The following TOGARAM2 variants were observed in gnomAD, a reference collection of about 807,000 sequenced individuals.
TOGARAM2 encodes the protein TOG array regulator of axonemal microtubules 2.
In TOGARAM2, 85 loss-of-function variants were observed where a neutral mutation model predicts 93.3. The ratio of observed to expected loss-of-function variants is 0.91; its 90% CI spans 0.76 to 1.09. The LOEUF (loss-of-function observed/expected upper bound fraction) is 1.09. Among genes scored for constraint, TOGARAM2 ranks in the 50% least tolerant of loss-of-function variants. The pLI, the probability that TOGARAM2 is intolerant of heterozygous loss-of-function variation, is 0.00. For missense variants in TOGARAM2, 1,277 were observed against 1,334.5 expected (o/e 0.96, Z 0.67); for synonymous variants, 593 against 552.8 (o/e 1.07, Z -1.02).
chr2:29,012,479 C>T (rs1572703279), intron 7 of TOGARAM2, among the ~76,000 whole-genome samples: 1 of 152,188 alleles, frequency 6.6e-6, no homozygotes, highest in South Asian at 2.1e-4. Context: ...AATGCACCGG[C>T]ACCCTGAGTG....
At chr2:29,042,438 C>T (rs556753910) in intron 18 of TOGARAM2, among the ~76,000 whole-genome samples, 21 of 152,264 alleles carry the variant, frequency 1.4e-4, no homozygotes, top group African/African-American at 4.8e-4. Flanking sequence ...GGGCCAGAGG[C>T]GGGAGCCCCT....
At chr2:28,962,703 T>G (rs985967710) in intron 1 of TOGARAM2, among the ~76,000 whole-genome samples, 6 of 151,636 alleles carry the variant, frequency 4.0e-5, no homozygotes, top group Admixed American at 2.0e-4. Context: ...ACCCCATAAA[T>G]TTTGATTCCC....
chr2:29,004,922 G>A (rs62649845), intron 6 of TOGARAM2, among the ~76,000 whole-genome samples: 27 of 104,940 alleles, frequency 2.6e-4, no homozygotes, highest in East Asian at 6.8e-4. Context: ...GCATGTGTAC[G>A]TGTGTGAGTG....
Position 28,982,107 on chromosome 2 carries a change from A to T in TOGARAM2, c.-111+569A>T, listed in dbSNP as rs958813505. On this transcript the variant is annotated intron_variant, in intron 1 of 19. Coordinates refer to ENST00000379558, the MANE Select transcript of TOGARAM2 (RefSeq NM_199280.4). ...GTTTCTCATCTGTGAAGAAGGGTTT[A>T]AAAAAAGCCCCCTTGGTGCTGTCTG... Among the ~76,000 whole-genome samples, 10 of 152,130 alleles carry T rather than the reference A, an allele frequency of 6.6e-5. No homozygotes were observed. The South Asian group carries it at 1.7e-3, about 25-fold the overall frequency.
intron 1 of TOGARAM2, among the ~76,000 whole-genome samples, chr2:28,967,843 C>T (rs552712307): frequency 6.1e-5 from 7 of 114,244 alleles, no homozygotes; most frequent in Admixed American, 2.6e-4. Context: ...CTTGCTCTGT[C>T]GCTCTATTGC....
At chr2:29,033,302 T>G in intron 15 of TOGARAM2, 167 bp from the exon 16 acceptor site, 1 of 718,950 alleles carries the variant, frequency 1.4e-6, no homozygotes, top group Non-Finnish European at 2.3e-6. Context: ...CCAGGGATCT[T>G]GATCTCTGCC....
rs777307067 is a variant in TOGARAM2 at position 29,052,118 on chromosome 2, T to C, written c.*25T>C. 3 of 1,492,770 alleles carry C rather than the reference T, an allele frequency of 2.0e-6. No individual in the cohort carries two copies. In the African/African-American group the frequency reaches 4.2e-5, roughly 21 times the overall value. 92.5% of individuals were successfully genotyped at this position (1,492,770 alleles called of 1,614,324 possible). On this transcript the variant is annotated 3_prime_UTR_variant, in exon 20 of 20. Coordinates refer to ENST00000379558, the MANE Select transcript of TOGARAM2 (RefSeq NM_199280.4). ...AAGATGGATCTGAAATGGGCAATTA[T>C]TATTTATCTTATTTTTTTGATGGAC...
At position 29,005,992 on chromosome 2, in the gene TOGARAM2, T is replaced by TGTGG. The variant is rs139827832; in HGVS notation, c.830+2310_830+2311insGTGG. On this transcript the variant is annotated intron_variant, in intron 6 of 19. Coordinates refer to ENST00000379558, the MANE Select transcript of TOGARAM2 (RefSeq NM_199280.4). ...GTGTGAGACCGTATGAGTGCATGTG[T>TGTGG]AGGGTGTGTATGTGTGCGTGTGTGT... 9.6e-5 allele frequency among the ~76,000 whole-genome samples: 14 copies of TGTGG among 145,110 alleles called. No individual in the cohort carries two copies. In the East Asian group the frequency reaches 1.7e-3, roughly 18 times the overall value.
At chr2:29,030,635 C>T (rs1285889238) in intron 14 of TOGARAM2, among the ~76,000 whole-genome samples, 2 of 152,172 alleles carry the variant, frequency 1.3e-5, no homozygotes, top group East Asian at 3.8e-4. Flanking sequence ...GAACTCTGTC[C>T]TTCCTGGTTT....
intron 18 of TOGARAM2, among the ~76,000 whole-genome samples, chr2:29,041,562 G>A (rs1215684761): frequency 2.6e-5 from 4 of 152,158 alleles, no homozygotes; most frequent in Non-Finnish European, 4.4e-5. Flanking sequence ...CTCTTATCTG[G>A]CTTCCCAGTA....
chr2:29,029,483 G>A (rs1181463303), intron 14 of TOGARAM2, among the ~76,000 whole-genome samples: 1 of 152,216 alleles, frequency 6.6e-6, no homozygotes, highest in East Asian at 1.9e-4. Flanking sequence ...TGGGCCGGGT[G>A]CGGTGGCTCA....
upstream of TOGARAM2, among the ~76,000 whole-genome samples, chr2:28,979,275 C>T (rs1290517006): frequency 6.6e-6 from 1 of 152,198 alleles, no homozygotes; most frequent in Non-Finnish European, 1.5e-5. Flanking sequence ...CCCTGGGATT[C>T]GCTCTCTGTC....
chr2:29,032,470 C>T (rs1665825835), intron 14 of TOGARAM2, among the ~76,000 whole-genome samples: 1 of 152,198 alleles, frequency 6.6e-6, no homozygotes, highest in Admixed American at 6.5e-5. Flanking sequence ...TGACTACACC[C>T]TCCTATATTG....
At chr2:29,029,255 A>ATG (rs1468419846) in intron 14 of TOGARAM2, among the ~76,000 whole-genome samples, 1 of 133,666 alleles carries the variant, frequency 7.5e-6, no homozygotes. Context: ...GTATGTATGT[A>ATG]TGTGTGTATA....
rs1665169089 is a variant in TOGARAM2 at position 29,024,188 on chromosome 2, G to A, written c.1667G>A (p.Gly556Glu). 1.2e-6 allele frequency: 2 copies of A among 1,602,112 alleles called. No individual in the cohort carries two copies. The highest frequency in any genetic ancestry group is 1.1e-5 in the South Asian group (1 of 88,712). Residue 556 changes from glycine (G) to glutamate (E), a missense_variant, in exon 13 of 20, where the codon GGA (glycine) becomes GAA (glutamate). By Grantham distance (98) the Gly-to-Glu change is moderately conservative. Coordinates refer to ENST00000379558, the MANE Select transcript of TOGARAM2 (RefSeq NM_199280.4). The part of the protein sequence containing the change: ...KVSHLAISTL[G>E]DLFQALKKNM... The stretch of plus-strand genomic sequence containing the variant: ...TCTCACCTGGCCATCAGCACCTTGG[G>A]AGACCTCTTCCAGGCCTTGAAGAAG...
intron 1 of TOGARAM2, among the ~76,000 whole-genome samples, chr2:28,962,783 C>G (rs1671819103): frequency 8.0e-6 from 1 of 125,774 alleles, no homozygotes. Flanking sequence ...CTCCCCTTCC[C>G]TCCCTTTTCC....
intron 1 of TOGARAM2, among the ~76,000 whole-genome samples, chr2:28,990,172 T>G (rs1476533033): frequency 1.3e-5 from 2 of 152,114 alleles, no homozygotes; most frequent in Non-Finnish European, 2.9e-5. Context: ...CAGGAAGGCA[T>G]GTTCTGTCCA....
rs139348273 is a variant in TOGARAM2 at position 29,051,586 on chromosome 2, G to C, written c.2723-170G>C. On this transcript the variant is annotated intron_variant, in intron 19 of 19. Transcript: ENST00000379558. ...ACATATTCATATATTTTCTACTAAT[G>C]TTAAAAGAAGCTAACACATTTTCAT... The C allele has an allele frequency of 1.9e-3, 1,011 of 535,970 alleles. 8 individuals are homozygous for C. Among genetic ancestry groups the C allele is most frequent in the African/African-American group, 0.017 (918 of 52,558 alleles). The allele number at this position is 535,970 out of a possible 1,614,324, so 33.2% of individuals were successfully genotyped here.
At chr2:28,992,468 CA>C (rs1672780963) in intron 1 of TOGARAM2, among the ~76,000 whole-genome samples, 1 of 152,090 alleles carries the variant, frequency 6.6e-6, no homozygotes, top group Non-Finnish European at 1.5e-5. Context: ...GTCCTGGGAC[CA>C]GGGGGAACCT....
Sources: gnomAD v4.1 joint callset for allele counts (sites outside exome capture counted in the v4.1 genomes callset) on GRCh38, gnomAD v4.1.1 for gene constraint, MANE v1.5 for transcripts, NCBI Gene and HGNC (gene_info 2026-07-23, HGNC 2026-07-21) for gene names.